Variants in THSD7B observed in about 807,000 individuals in gnomAD.
THSD7B encodes thrombospondin type 1 domain containing 7B, also known as thrombospondin type-1 domain-containing protein 7B.
Under a neutral mutation model 213.6 loss-of-function variants are expected in THSD7B, and 138 were observed. The ratio of observed to expected loss-of-function variants is 0.65; its 90% CI spans 0.56 to 0.74. THSD7B has a LOEUF of 0.74. THSD7B is among the 30% of genes least tolerant of loss of function. The pLI, the probability that THSD7B is intolerant of heterozygous loss-of-function variation, is 0.00. For missense variants in THSD7B, 1,931 were observed against 1,991.5 expected (o/e 0.97, Z 0.58); for synonymous variants, 742 against 687.0 (o/e 1.08, Z -1.25).
intron 15 of THSD7B, among the ~76,000 whole-genome samples, chr2:137,482,819 G>A (rs1688337003): frequency 6.6e-6 from 1 of 152,204 alleles, no homozygotes; most frequent in Middle Eastern, 3.4e-3. Context: ...CCAGAGCAAC[G>A]AAAAGGACAG....
intron 17 of THSD7B, among the ~76,000 whole-genome samples, chr2:137,580,817 T>C (rs1278511141): frequency 1.3e-5 from 2 of 151,982 alleles, no homozygotes; most frequent in African/African-American, 2.4e-5. Flanking sequence ...AGAAGGGGAA[T>C]ATTGGGGGAG....
At chr2:137,171,190 AAG>A (rs1428444271) in intron 7 of THSD7B, among the ~76,000 whole-genome samples, 1 of 152,220 alleles carries the variant, frequency 6.6e-6, no homozygotes, top group African/African-American at 2.4e-5. Flanking sequence ...GAGATTTCTT[AAG>A]AGTTTTTAAT....
chr2:136,957,109 C>A (rs1685139563), intron 2 of THSD7B, among the ~76,000 whole-genome samples: 1 of 152,138 alleles, frequency 6.6e-6, no homozygotes, highest in African/African-American at 2.4e-5. Context: ...CAGAAGGGCT[C>A]ATCTCCTAGT....
At chr2:137,416,377 T>C (rs1038177214) in intron 14 of THSD7B, among the ~76,000 whole-genome samples, 8 of 152,216 alleles carry the variant, frequency 5.3e-5, no homozygotes, top group African/African-American at 1.9e-4. Flanking sequence ...GTCATGGGAC[T>C]CTTCATCCTC....
chr2:137,085,916 A>G (rs191554583), intron 3 of THSD7B, among the ~76,000 whole-genome samples: 34 of 152,356 alleles, frequency 2.2e-4, no homozygotes, highest in Admixed American at 1.9e-3. Context: ...ATATATTTGT[A>G]TTATATAAAA....
At chr2:137,554,877 G>T (rs1242176778) in intron 15 of THSD7B, among the ~76,000 whole-genome samples, 1 of 152,194 alleles carries the variant, frequency 6.6e-6, no homozygotes, top group Admixed American at 6.5e-5. Context: ...AATGGTCTTA[G>T]TAAACAGCAC....
At chr2:137,425,558 A>G (rs1558793259) in intron 14 of THSD7B, among the ~76,000 whole-genome samples, 1 of 152,214 alleles carries the variant, frequency 6.6e-6, no homozygotes, top group Non-Finnish European at 1.5e-5. Flanking sequence ...TATGTAGGTT[A>G]CATGCAAATG....
At chr2:136,895,372 T>G (rs17722726) in intron 2 of THSD7B, among the ~76,000 whole-genome samples, 60,352 of 151,736 alleles carry the variant, frequency 0.4, 14,210 homozygotes, top group Non-Finnish European at 0.54. Flanking sequence ...AAACTGTAAC[T>G]TAGAACTGCT....
At chr2:137,528,745 A>T (rs1478807394) in intron 15 of THSD7B, among the ~76,000 whole-genome samples, 1 of 152,058 alleles carries the variant, frequency 6.6e-6, no homozygotes, top group East Asian at 1.9e-4. Flanking sequence ...CAGAATCACT[A>T]GAGATGTTGA....
At chr2:137,413,604 A>C (rs980125310) in intron 14 of THSD7B, among the ~76,000 whole-genome samples, 1 of 152,220 alleles carries the variant, frequency 6.6e-6, no homozygotes, top group African/African-American at 2.4e-5. Context: ...TGGGGTGTCC[A>C]GAAGATAAAA....
At chr2:136,938,865 C>T (rs1284337641) in intron 2 of THSD7B, among the ~76,000 whole-genome samples, 2 of 151,956 alleles carry the variant, frequency 1.3e-5, no homozygotes, top group Admixed American at 1.3e-4. Context: ...GAGGTGACTG[C>T]CAAAATAGGA....
chr2:136,781,953 G>A (rs1283849929), intron 1 of THSD7B, among the ~76,000 whole-genome samples: 1 of 152,100 alleles, frequency 6.6e-6, no homozygotes, highest in Non-Finnish European at 1.5e-5. Context: ...AAAAATTACA[G>A]AATGAAAATC....
chr2:137,057,070 A>C lies in THSD7B; in HGVS notation c.790A>C (p.Arg264=), dbSNP rs1428687621. The C allele has an allele frequency of 6.2e-7, 1 of 1,613,976 alleles. No homozygotes were observed. The highest frequency in any genetic ancestry group is 8.5e-7 in the Non-Finnish European group (1 of 1,179,892). The change falls in exon 3 of 28, where the codon AGA becomes CGA. Residue 264 remains arginine (R), a synonymous_variant. Transcript: ENST00000409968. ...TCTTAAAGAAATTAATCCAAGCGGAAGAACTGTTCTGGATTTTAACTCTGA... is the reference window on the plus strand; with the variant it reads ...TCTTAAAGAAATTAATCCAAGCGGACGAACTGTTCTGGATTTTAACTCTGA... ...PHLKEINPSG[R]TVLDFNSDSN... is the part of the protein sequence containing the mutation.
At chr2:137,614,224 A>T (rs565696345) in intron 17 of THSD7B, among the ~76,000 whole-genome samples, 1 of 152,318 alleles carries the variant, frequency 6.6e-6, no homozygotes, top group African/African-American at 2.4e-5. Context: ...ACTTATACAC[A>T]TATGGACTGT....
At chr2:137,468,758 C>T (rs1275770816) in intron 15 of THSD7B, among the ~76,000 whole-genome samples, 2 of 151,886 alleles carry the variant, frequency 1.3e-5, no homozygotes, top group African/African-American at 2.4e-5. Flanking sequence ...TTTCAGATTC[C>T]GTTTTTGGCC....
chr2:137,572,303 G>A, intron 16 of THSD7B, 103 bp from the exon 17 acceptor site: 1 of 1,373,524 alleles, frequency 7.3e-7, no homozygotes, highest in Non-Finnish European at 9.9e-7. Flanking sequence ...CTGGTCTTAT[G>A]TTATATTTAA....
At chr2:137,264,802 T>C (rs903322565) in intron 10 of THSD7B, among the ~76,000 whole-genome samples, 57 of 149,782 alleles carry the variant, frequency 3.8e-4, no homozygotes, top group African/African-American at 1.3e-3. Flanking sequence ...AGAGCCTTCT[T>C]TTTTTTTTTA....
At chr2:137,079,128 G>T (rs566550855) in intron 3 of THSD7B, among the ~76,000 whole-genome samples, 1 of 151,812 alleles carries the variant, frequency 6.6e-6, no homozygotes, top group Non-Finnish European at 1.5e-5. Flanking sequence ...AGACCAGCCT[G>T]GGCAACATAG....
chr2:137,201,775 G>A (rs898972823), intron 7 of THSD7B, among the ~76,000 whole-genome samples: 56 of 152,176 alleles, frequency 3.7e-4, no homozygotes, highest in African/African-American at 1.3e-3. Context: ...TCCCCTCATT[G>A]GACTTGCTAC....
Sources: gnomAD v4.1 joint callset for allele counts (sites outside exome capture counted in the v4.1 genomes callset) on GRCh38, gnomAD v4.1.1 for gene constraint, MANE v1.5 for transcripts, NCBI Gene and HGNC (gene_info 2026-07-23, HGNC 2026-07-21) for gene names.